The following ASB7 variants were observed in gnomAD, a reference collection of about 807,000 sequenced individuals.
ASB7 encodes ankyrin repeat and SOCS box containing 7, also known as ankyrin repeat and SOCS box protein 7.
A neutral mutation model predicts 32.5 loss-of-function variants in ASB7; 4 were observed. The ratio of observed to expected loss-of-function variants is 0.12; its 90% CI spans 0.06 to 0.28. ASB7 has a LOEUF of 0.28. Among genes scored for constraint, ASB7 ranks in the 10% least tolerant of loss-of-function variants. The pLI is 1.00. For synonymous variants in ASB7, 172 were observed against 155.6 expected (o/e 1.11, Z -0.78); for missense variants, 181 against 407.1 (o/e 0.44, Z 4.78).
intron 5 of ASB7, among the ~76,000 whole-genome samples, chr15:100,646,812 G>A (rs1264832987): frequency 1.3e-5 from 2 of 152,118 alleles, no homozygotes; most frequent in African/African-American, 4.8e-5. Flanking sequence ...CTCTCCATGG[G>A]TCTCCTCCTG....
chr15:100,611,516 C>G (rs12438826), intron 3 of ASB7, among the ~76,000 whole-genome samples: 39,005 of 82,624 alleles, frequency 0.47, 7,018 homozygotes, highest in East Asian at 0.71. Flanking sequence ...ATTTCACTCT[C>G]TTGCCCAGGC....
chr15:100,630,724 G>A (rs924934975), intron 5 of ASB7, among the ~76,000 whole-genome samples: 2 of 152,006 alleles, frequency 1.3e-5, no homozygotes, highest in African/African-American at 2.4e-5. Context: ...GTGTAGTAAC[G>A]CGTGCGTCCT....
intron 4 of ASB7, among the ~76,000 whole-genome samples, chr15:100,614,734 C>G (rs1275814511): frequency 7.8e-6 from 1 of 128,714 alleles, no homozygotes; most frequent in Admixed American, 8.7e-5. Context: ...TTAACAACAG[C>G]TGATGAGCAA....
rs541831373 is a variant in ASB7, at chr15:100,637,955, C to CTT, written c.817+7925_817+7926dup. On this transcript the variant is annotated intron_variant, in intron 5 of 5. Coordinates refer to ENST00000332783, the MANE Select transcript of ASB7 (RefSeq NM_198243.3). ...ATCCTTTTTGTTTTGGAAAGCAGCT[C>CTT]TTTTTTTTTTTTTACATAAAAATTT... 4.6e-3 allele frequency among the ~76,000 whole-genome samples: 635 copies of CTT among 136,836 alleles called. 17 individuals carry two copies. The highest frequency in any genetic ancestry group is 0.016 in the African/African-American group (583 of 36,330). The allele number at this position is 136,836 out of a possible 152,430, so 89.8% of individuals were successfully genotyped here.
At chr15:100,621,197 T>G (rs2141394652) in intron 4 of ASB7, among the ~76,000 whole-genome samples, 2 of 152,366 alleles carry the variant, frequency 1.3e-5, no homozygotes, top group African/African-American at 4.8e-5. Context: ...TTATGTTAAC[T>G]CTTTATTTAA....
At position 100,648,406 on chromosome 15, in the gene ASB7, C is replaced by T; in HGVS notation, c.901C>T (p.Leu301=). 1 of 1,609,636 alleles carries T rather than the reference C, an allele frequency of 6.2e-7. No homozygotes were observed. The highest frequency in any genetic ancestry group is 8.5e-7 in the Non-Finnish European group (1 of 1,176,076). ...GLQNLKLLDE[L]PIAKVMKDYL... is the part of the protein sequence containing the mutation. ...TCAAAACCTAAAGCTACTTGATGAA[C>T]TACCAATTGCCAAGGTCATGAAAGA... Residue 301 remains leucine (L), a synonymous_variant, in exon 6 of 6, where the codon CTA becomes TTA. Transcript: ENST00000332783.
rs116818132 is a variant in ASB7, at chr15:100,628,295, T to C, written c.212-1142T>C. Among the ~76,000 whole-genome samples, 720 of 152,352 alleles carry C rather than the reference T, an allele frequency of 4.7e-3. 2 individuals carry two copies. Among genetic ancestry groups the C allele is most frequent in the African/African-American group, 0.016 (683 of 41,576 alleles). On this transcript the variant is annotated intron_variant, in intron 4 of 5. Coordinates refer to ENST00000332783, the MANE Select transcript of ASB7 (RefSeq NM_198243.3). ...CATATAGTTTTCTGCCTCAGATTTT[T>C]CTAAGAGAACCATTTGTCATAATAT...
rs1034737624 is a variant in ASB7, at chr15:100,617,977, C to T, written c.211+5550C>T. 4.6e-5 allele frequency among the ~76,000 whole-genome samples: 7 copies of T among 152,198 alleles called. 1 individual carries two copies. The highest frequency in any genetic ancestry group is 1.4e-4 in the African/African-American group (6 of 41,448). ...GCATCATGCCTCCCCCCACCCCCCA[C>T]GGGGTCTCCCTGTGTCACCCAGGCT... is the stretch of plus-strand genomic sequence containing the variant. On this transcript the variant is annotated intron_variant, in intron 4 of 5. Coordinates refer to ENST00000332783, the MANE Select transcript of ASB7 (RefSeq NM_198243.3).
At chr15:100,623,531 A>G (rs1384788941) in intron 4 of ASB7, among the ~76,000 whole-genome samples, 1 of 152,238 alleles carries the variant, frequency 6.6e-6, no homozygotes, top group Non-Finnish European at 1.5e-5. Flanking sequence ...CAAAACCACA[A>G]TGAGATATCT....
At chr15:100,607,101 C>A (rs898754887) in intron 2 of ASB7, among the ~76,000 whole-genome samples, 1 of 150,954 alleles carries the variant, frequency 6.6e-6, no homozygotes, top group African/African-American at 2.4e-5. Context: ...TGCAGTGAGC[C>A]GAGATCGCAC....
At position 100,622,366 on chromosome 15, in the gene ASB7, A is replaced by G. The variant is rs1023838192; in HGVS notation, c.212-7071A>G. On this transcript the variant is annotated intron_variant, in intron 4 of 5. Transcript: ENST00000332783. ...ATGGATTGGAAGAATTAATATTGTT[A>G]AAATGACTCTTCTATCCAAGGCAAT... Among the ~76,000 whole-genome samples, 3 of 152,364 alleles carry G rather than the reference A, an allele frequency of 2.0e-5. No individual in the cohort carries two copies. In the East Asian group the frequency reaches 5.8e-4, roughly 29 times the overall value.
In ASB7 at chr15:100,629,548, A is replaced by G. The variant is rs955351436; in HGVS notation, c.323A>G (p.Asp108Gly). 6.2e-7 allele frequency: 1 copy of G among 1,614,222 alleles called. No homozygotes were observed. The stretch of plus-strand genomic sequence containing the variant: ...ATGTTAGAATCTGAATACAGGAGCG[A>G]CATCATTAATGCAAAAAGCAATGAC... ...RLMLESEYRSDIINAKSNDGW... is the reference protein window; with the variant it reads ...RLMLESEYRSGIINAKSNDGW... Residue 108 changes from aspartate to glycine, a missense_variant, in exon 5 of 6, where the codon GAC (aspartate) becomes GGC (glycine). By Grantham distance (94) the Asp-to-Gly change is moderately conservative. Transcript: ENST00000332783. The surrounding 1 kb of genome is among the most constrained non-coding windows in gnomAD (Gnocchi z 6.8).
intron 5 of ASB7, among the ~76,000 whole-genome samples, chr15:100,634,705 G>A (rs1004052043): frequency 1.3e-5 from 2 of 152,200 alleles, no homozygotes; most frequent in African/African-American, 2.4e-5. Flanking sequence ...TCACGAGGCT[G>A]AGGCAGGAGA....
intron 5 of ASB7, among the ~76,000 whole-genome samples, chr15:100,638,882 C>G (rs2039942826): frequency 6.6e-6 from 1 of 152,136 alleles, no homozygotes; most frequent in South Asian, 2.1e-4. Flanking sequence ...TGATGTTGCC[C>G]TCTCTGTGTC....
intron 5 of ASB7, 45 bp from the exon 6 acceptor site, chr15:100,648,278 T>C (rs2040009615): frequency 3.9e-6 from 6 of 1,537,946 alleles, no homozygotes; most frequent in East Asian, 2.3e-5. Context: ...CCTTAAATAT[T>C]GTGCTTTGTG....
At position 100,621,953 on chromosome 15, in the gene ASB7, C is replaced by G. The variant is rs115946416; in HGVS notation, c.212-7484C>G. ...TATTGGAAATCCTAGCCAGAGCAGTCAAGCAAGAGAAAGGAATAAAAGGCA... is the reference window on the plus strand; with the variant it reads ...TATTGGAAATCCTAGCCAGAGCAGTGAAGCAAGAGAAAGGAATAAAAGGCA... On this transcript the variant is annotated intron_variant, in intron 4 of 5. Transcript: ENST00000332783. 9.9e-3 allele frequency among the ~76,000 whole-genome samples: 1,497 copies of G among 151,264 alleles called. 28 individuals carry two copies. The highest frequency in any genetic ancestry group is 0.034 in the African/African-American group (1,417 of 41,320).
rs1456651955 is a variant in ASB7, at chr15:100,649,388, A to G, written c.*926A>G. 6.6e-6 allele frequency: 1 copy of G among 152,154 alleles called. No individual in the cohort carries two copies. Among genetic ancestry groups the G allele is most frequent in the Non-Finnish European group, 1.5e-5 (1 of 68,036 alleles). The allele number at this position is 152,154 out of a possible 1,614,324, so 9.4% of individuals were successfully genotyped here. On this transcript the variant is annotated 3_prime_UTR_variant, in exon 6 of 6. Transcript: ENST00000332783. Reference sequence around the variant, plus strand: ...TCAGTTGCAATTTCCATCTGAAGCTATGTCTTTGACTTCACTTTAAGCAGA... The same window carrying G: ...TCAGTTGCAATTTCCATCTGAAGCTGTGTCTTTGACTTCACTTTAAGCAGA...
chr15:100,631,626 TC>T (rs1312409106), intron 5 of ASB7, among the ~76,000 whole-genome samples: 1 of 152,206 alleles, frequency 6.6e-6, no homozygotes, highest in Non-Finnish European at 1.5e-5. Flanking sequence ...AATACTTTGT[TC>T]AGTGGTTAAT....
Position 100,602,883 on chromosome 15 carries a change from T to A in ASB7, c.-436T>A. ...CCCGGCGGCCGGGATCGCCACCTCCTGCCTTCTCGGCTGTTCGGATGTTCG... is the reference window on the plus strand; with the variant it reads ...CCCGGCGGCCGGGATCGCCACCTCCAGCCTTCTCGGCTGTTCGGATGTTCG... On this transcript the variant is annotated 5_prime_UTR_variant, in exon 1 of 6. Coordinates refer to ENST00000332783, the MANE Select transcript of ASB7 (RefSeq NM_198243.3). The A allele has an allele frequency of 2.5e-6, 1 of 397,006 alleles. No individual in the cohort carries two copies. The highest frequency in any genetic ancestry group is 4.4e-6 in the Non-Finnish European group (1 of 225,298). 24.6% of individuals were successfully genotyped at this position (397,006 alleles called of 1,614,324 possible). A position where few individuals can be genotyped will look rare whatever the true frequency, so the allele number is the denominator to read the frequency against.
Sources: allele counts gnomAD v4.1 joint callset (sites outside exome capture counted in the v4.1 genomes callset), GRCh38; gene constraint gnomAD v4.1.1; non-coding constraint Gnocchi (gnomAD v3.1); transcripts MANE v1.5; gene names NCBI Gene and HGNC (gene_info 2026-07-23, HGNC 2026-07-21).